The following ANKRD45 variants were observed in gnomAD, a reference collection of about 807,000 sequenced individuals.
The protein encoded by ANKRD45 is ankyrin repeat domain 45, also known as ankyrin repeat domain-containing protein 45.
In ANKRD45, 21 loss-of-function variants were observed where a neutral mutation model predicts 28.1. The ratio of observed to expected loss-of-function variants is 0.75; its 90% CI spans 0.53 to 1.08. The LOEUF (loss-of-function observed/expected upper bound fraction) is 1.08, where lower values mean the gene tolerates loss of function less well. ANKRD45 is among the 50% of genes least tolerant of loss of function. The pLI, the probability that ANKRD45 is intolerant of heterozygous loss-of-function variation, is 0.00. For missense variants in ANKRD45, 261 were observed against 308.7 expected (o/e 0.85, Z 1.16); for synonymous variants, 86 against 103.9 (o/e 0.83, Z 1.05).
At chr1:173,630,004 G>A (rs917763845) in intron 3 of ANKRD45, among the ~76,000 whole-genome samples, 29 of 152,086 alleles carry the variant, frequency 1.9e-4, no homozygotes, top group Non-Finnish European at 5.9e-5. Flanking sequence ...GGAGAGAGTG[G>A]CATGACATAT....
chr1:173,702,578 A>G, the ANKRD45 span, among the ~76,000 whole-genome samples: 1 of 152,136 alleles, frequency 6.6e-6, no homozygotes, highest in East Asian at 1.9e-4. Context: ...ATGTGGCAAC[A>G]TAGAAGCCAA....
chr1:173,669,321 A>G (rs555361037), intron 1 of ANKRD45: 2 of 414,012 alleles, frequency 4.8e-6, no homozygotes, highest in African/African-American at 4.2e-5. Flanking sequence ...AAGGGCAAGG[A>G]GGCAGGCGAC....
At chr1:173,682,684 T>TACACACACACAC in the ANKRD45 span, among the ~76,000 whole-genome samples, 1,230 of 144,006 alleles carry the variant, frequency 8.5e-3, 24 homozygotes, top group African/African-American at 0.03. Flanking sequence ...GCCTTTTAAA[T>TACACACACACAC]ACACACACAC....
Position 173,608,941 on chromosome 1 carries a change from A to AAGGGAGGGGG in ANKRD45, c.*1203_*1204insCCCCCTCCCT. On this transcript the variant is annotated 3_prime_UTR_variant, in exon 6 of 6. Coordinates refer to ENST00000333279, the MANE Select transcript of ANKRD45 (RefSeq NM_198493.3). ...AGGGGAAGGGAGGGGAAGGGAGGGG[A>AAGGGAGGGGG]AGGGAGAGGAAGGGAGAGGAAGGAG... Among the ~76,000 whole-genome samples the AAGGGAGGGGG allele has an allele frequency of 1.3e-5, 1 of 77,382 alleles. No individual in the cohort carries two copies. Among genetic ancestry groups the AAGGGAGGGGG allele is most frequent in the Admixed American group, 1.4e-4 (1 of 7,376 alleles). 50.8% of individuals were successfully genotyped at this position (77,382 alleles called of 152,430 possible).
At chr1:173,613,558 G>T (rs9662057) in intron 5 of ANKRD45, among the ~76,000 whole-genome samples, 1 of 123,430 alleles carries the variant, frequency 8.1e-6, no homozygotes. Context: ...GAGGTGGGGG[G>T]TCAGCCCCCC....
the ANKRD45 span, among the ~76,000 whole-genome samples, chr1:173,711,325 C>T: frequency 6.6e-6 from 1 of 152,196 alleles, no homozygotes; most frequent in Non-Finnish European, 1.5e-5. Context: ...GATCAGACCA[C>T]AGTTTGGTTT....
At chr1:173,620,834 C>CA (rs1293481076) in intron 5 of ANKRD45, among the ~76,000 whole-genome samples, 5 of 150,664 alleles carry the variant, frequency 3.3e-5, no homozygotes, top group African/African-American at 4.9e-5. Context: ...GACAGAGACA[C>CA]AAAAAAACCC....
intron 3 of ANKRD45, among the ~76,000 whole-genome samples, chr1:173,646,130 A>C (rs1189411907): frequency 6.6e-6 from 1 of 152,250 alleles, no homozygotes; most frequent in Non-Finnish European, 1.5e-5. Flanking sequence ...TTACAAAGGT[A>C]CATCTTCCTG....
chr1:173,662,809 T>A (rs970852659), intron 1 of ANKRD45, among the ~76,000 whole-genome samples: 1 of 152,024 alleles, frequency 6.6e-6, no homozygotes, highest in Non-Finnish European at 1.5e-5. Context: ...GGCTACCCCA[T>A]CTTTAAGAGG....
chr1:173,711,081 G>A, the ANKRD45 span, among the ~76,000 whole-genome samples: 4 of 152,076 alleles, frequency 2.6e-5, no homozygotes, highest in Non-Finnish European at 4.4e-5. Flanking sequence ...CTAAACCTTA[G>A]GTCCAACCAC....
chr1:173,646,089 A>C (rs1366680376), intron 3 of ANKRD45, among the ~76,000 whole-genome samples: 1 of 152,250 alleles, frequency 6.6e-6, no homozygotes. Flanking sequence ...ATGCAAAATA[A>C]ATGCTGTAAA....
the ANKRD45 span, among the ~76,000 whole-genome samples, chr1:173,700,658 T>C: frequency 3.3e-5 from 5 of 152,134 alleles, no homozygotes; most frequent in Non-Finnish European, 5.9e-5. Flanking sequence ...TTACACCTTA[T>C]ACAAAAATTA....
chr1:173,712,093 A>G, the ANKRD45 span, among the ~76,000 whole-genome samples: 1 of 152,252 alleles, frequency 6.6e-6, no homozygotes, highest in East Asian at 1.9e-4. Flanking sequence ...TATCTTTTAC[A>G]ATAAGCAATT....
the ANKRD45 span, among the ~76,000 whole-genome samples, chr1:173,698,276 C>T: frequency 6.6e-6 from 1 of 151,834 alleles, no homozygotes; most frequent in Non-Finnish European, 1.5e-5. Flanking sequence ...GGAGGTTAGA[C>T]ACAAGGATAT....
chr1:173,654,391 A>T (rs1428605639), intron 2 of ANKRD45, among the ~76,000 whole-genome samples: 2 of 152,182 alleles, frequency 1.3e-5, no homozygotes. Flanking sequence ...TCTGGGTTGA[A>T]AATTCTTTTC....
chr1:173,612,760 T>G (rs1332659010), intron 5 of ANKRD45: 1 of 155,394 alleles, frequency 6.4e-6, no homozygotes, highest in Non-Finnish European at 1.4e-5. Flanking sequence ...CTGACTGGTT[T>G]TCGTATTTTT....
intron 2 of ANKRD45, among the ~76,000 whole-genome samples, chr1:173,654,999 A>G (rs1669433406): frequency 6.6e-6 from 1 of 152,172 alleles, no homozygotes; most frequent in Non-Finnish European, 1.5e-5. Context: ...CCATTCGTCT[A>G]ATCTTCTTTC....
At chr1:173,623,262 C>T (rs544920922) in intron 5 of ANKRD45, among the ~76,000 whole-genome samples, 3 of 148,272 alleles carry the variant, frequency 2.0e-5, no homozygotes, top group African/African-American at 5.0e-5. Flanking sequence ...ACAGTGGAGG[C>T]GGGGGTTGCA....
chr1:173,695,091 A>G, the ANKRD45 span, among the ~76,000 whole-genome samples: 1 of 152,210 alleles, frequency 6.6e-6, no homozygotes, highest in Non-Finnish European at 1.5e-5. Context: ...CAAAATCACT[A>G]TCATCCTTAT....
Sources: gnomAD v4.1 joint callset for allele counts (sites outside exome capture counted in the v4.1 genomes callset) on GRCh38, gnomAD v4.1.1 for gene constraint, MANE v1.5 for transcripts, NCBI Gene and HGNC (gene_info 2026-07-23, HGNC 2026-07-21) for gene names.